PTGR2: variants seen among roughly 807,000 people sequenced by gnomAD.
PTGR2 encodes the protein prostaglandin reductase 2.
In PTGR2, 32 loss-of-function variants were observed where a neutral mutation model predicts 43.4. That is an observed-to-expected ratio of 0.74 (90% CI 0.56 to 0.99). PTGR2 has a LOEUF of 0.99. Ranked by LOEUF, PTGR2 falls within the 50% of genes least tolerant of loss-of-function variation. The pLI is 0.00. For synonymous variants in PTGR2, 106 were observed against 139.2 expected, an observed-to-expected ratio of 0.76 and a Z score of 1.68; for missense variants, 373 against 420.0, an observed-to-expected ratio of 0.89 and a Z score of 0.98.
At chr14:73,882,344 C>A in intron 8 of PTGR2, 55 bp from the exon 9 acceptor site, 1 of 1,073,288 alleles carries the variant, frequency 9.3e-7, no homozygotes. Context: ...TGGAAACTAT[C>A]ATATAGAAAC....
At position 73,879,726 on chromosome 14, in the gene PTGR2, T is replaced by C. The variant is rs536330594; in HGVS notation, c.730-329T>C. ...ATCAACATGAGGTATTAACACTACATAGTCCTTTGCTGCATCTAAAATTAT... is the reference window on the plus strand; with the variant it reads ...ATCAACATGAGGTATTAACACTACACAGTCCTTTGCTGCATCTAAAATTAT... On this transcript the variant is annotated intron_variant, in intron 6 of 9. Coordinates refer to ENST00000555661, the MANE Select transcript of PTGR2 (RefSeq NM_001146154.2). 1.5e-5 allele frequency: 5 copies of C among 340,316 alleles called. No homozygotes were observed. The Admixed American group carries it at 1.7e-4, about 12-fold the overall frequency. 21.1% of individuals were successfully genotyped at this position (340,316 alleles called of 1,614,324 possible).
chr14:73,874,238 G>A, intron 4 of PTGR2, 24 bp downstream of exon 4: 1 of 1,522,632 alleles, frequency 6.6e-7, no homozygotes, highest in Non-Finnish European at 8.9e-7. Flanking sequence ...GAACATATCT[G>A]ATTTTTTTTC....
At chr14:73,877,344 A>G in intron 5 of PTGR2, 176 bp downstream of exon 5, 1 of 506,148 alleles carries the variant, frequency 2.0e-6, no homozygotes, top group Non-Finnish European at 3.5e-6. Context: ...GGCTCACTGC[A>G]ACCTCCGCCT....
Position 73,851,848 on chromosome 14 carries a change from G to A in PTGR2, c.-143G>A, listed in dbSNP as rs1034431798. 2.0e-5 allele frequency: 3 copies of A among 152,348 alleles called. No homozygotes were observed. The highest frequency in any genetic ancestry group is 1.5e-5 in the Non-Finnish European group (1 of 68,158). The allele number at this position is 152,348 out of a possible 1,614,324, so 9.4% of individuals were successfully genotyped here. The stretch of plus-strand genomic sequence containing the variant: ...GCCTAGTCGCGCGCCTGCGTACTGC[G>A]GTCAGAGGGCCGAGGCCTGGGGGCG... On this transcript the variant is annotated 5_prime_UTR_variant, in exon 1 of 10. Coordinates refer to ENST00000555661, the MANE Select transcript of PTGR2 (RefSeq NM_001146154.2).
chr14:73,882,925 A>G (rs2055029307), intron 9 of PTGR2, among the ~76,000 whole-genome samples: 1 of 142,156 alleles, frequency 7.0e-6, no homozygotes, highest in African/African-American at 2.7e-5. Context: ...AGATCAAGCA[A>G]TTCTCCTGCC....
At chr14:73,881,772 CTTTTTTTTTTTTTTTTTTT>C (rs57377878) in intron 8 of PTGR2, among the ~76,000 whole-genome samples, 10 of 69,266 alleles carry the variant, frequency 1.4e-4, no homozygotes, top group African/African-American at 6.9e-4. Flanking sequence ...CTAGGCTATT[CTTTTTTTTTTTTTTTTTTT>C]TTTTTTTTTT....
intron 3 of PTGR2, among the ~76,000 whole-genome samples, chr14:73,864,458 TATC>T (rs1238659892): frequency 6.6e-6 from 1 of 152,244 alleles, no homozygotes; most frequent in Non-Finnish European, 1.5e-5. Flanking sequence ...CACTTGTTAT[TATC>T]TGTCTTTTTG....
At chr14:73,864,458 T>G (rs919817597) in intron 3 of PTGR2, among the ~76,000 whole-genome samples, 1 of 152,362 alleles carries the variant, frequency 6.6e-6, no homozygotes, top group East Asian at 1.9e-4. Flanking sequence ...CACTTGTTAT[T>G]ATCTGTCTTT....
In PTGR2 at chr14:73,853,670, GT is replaced by G. The variant is rs905020922; in HGVS notation, c.-48+1734del. 1.2e-4 allele frequency among the ~76,000 whole-genome samples: 18 copies of G among 152,096 alleles called. 1 individual carries two copies. The highest frequency in any genetic ancestry group is 1.1e-3 in the Admixed American group (17 of 15,262). On this transcript the variant is annotated intron_variant, in intron 1 of 9. Transcript: ENST00000555661. ...AGAGGATGATATTACCAACCTCACA[GT>G]TTTTTTGGGGTGAGGGTGGGGGAGG... is the stretch of plus-strand genomic sequence containing the variant.
chr14:73,863,502 A>G lies in PTGR2; in HGVS notation c.156+2845A>G, dbSNP rs2054539140. Reference sequence around the variant, plus strand: ...GCTAATTAAAATTTTTTAAAAAAACATTTTAAAATTGTTTATTTATGAATC... The same window carrying G: ...GCTAATTAAAATTTTTTAAAAAAACGTTTTAAAATTGTTTATTTATGAATC... On this transcript the variant is annotated intron_variant, in intron 3 of 9. Transcript: ENST00000555661. 2.0e-5 allele frequency among the ~76,000 whole-genome samples: 3 copies of G among 152,076 alleles called. No homozygotes were observed. In the South Asian group the frequency reaches 6.2e-4, roughly 32 times the overall value.
At position 73,877,131 on chromosome 14, in the gene PTGR2, G is replaced by T. The variant is rs1326002837; in HGVS notation, c.482G>T (p.Ser161Ile). ...GGATCTAATAAGACAATGGTTGTCA[G>T]TGGGGCCGCAGGTGCCTGTGGATCT... is the stretch of plus-strand genomic sequence containing the variant. ...TAGSNKTMVV[S>I]GAAGACGSVA... The change falls in exon 5 of 10, where the codon AGT becomes ATT. Residue 161 changes from serine (S) to isoleucine (I), a missense_variant. Ser to Ile is a moderately radical substitution (Grantham distance 142). Coordinates refer to ENST00000555661, the MANE Select transcript of PTGR2 (RefSeq NM_001146154.2). 5.6e-6 allele frequency: 9 copies of T among 1,613,984 alleles called. No homozygotes were observed. The highest frequency in any genetic ancestry group is 2.2e-5 in the East Asian group (1 of 44,904).
At chr14:73,859,719 T>C (rs909253970) in intron 2 of PTGR2, among the ~76,000 whole-genome samples, 1 of 151,862 alleles carries the variant, frequency 6.6e-6, no homozygotes, top group African/African-American at 2.4e-5. Flanking sequence ...TCTATTTGCT[T>C]CTTAAAATAA....
chr14:73,881,153 A>C, intron 7 of PTGR2, 52 bp from the exon 8 acceptor site: 20 of 1,091,478 alleles, frequency 1.8e-5, no homozygotes, highest in Non-Finnish European at 2.8e-5. Flanking sequence ...TGATCTTGGA[A>C]TACCACTCCC....
intron 3 of PTGR2, among the ~76,000 whole-genome samples, chr14:73,871,367 T>TTTTTTTTTTTTTTTTTTTTTTTTTTTTTA (rs71115926): frequency 8.4e-6 from 1 of 119,750 alleles, no homozygotes; most frequent in Non-Finnish European, 1.8e-5. Context: ...TTTTTTTTTT[T>TTTTTTTTTTTTTTTTTTTTTTTTTTTTTA]AATTTTTGTT....
chr14:73,873,398 C>A (rs139461892), intron 3 of PTGR2, among the ~76,000 whole-genome samples: 3 of 152,066 alleles, frequency 2.0e-5, no homozygotes, highest in African/African-American at 7.2e-5. Flanking sequence ...ATATCACATA[C>A]TTATTGTTTG....
intron 2 of PTGR2, among the ~76,000 whole-genome samples, chr14:73,860,258 G>T (rs1157518275): frequency 2.0e-5 from 3 of 151,650 alleles, no homozygotes; most frequent in Non-Finnish European, 4.4e-5. Flanking sequence ...GTGAGGTCAG[G>T]AATTTGAGAC....
At chr14:73,856,447 C>T (rs1444431868) in intron 1 of PTGR2, among the ~76,000 whole-genome samples, 1 of 152,012 alleles carries the variant, frequency 6.6e-6, no homozygotes, top group Admixed American at 6.6e-5. Context: ...GACAGGATTT[C>T]ATCATGTTAG....
At chr14:73,883,955 T>A in intron 9 of PTGR2, 146 bp from the exon 10 acceptor site, 1 of 620,738 alleles carries the variant, frequency 1.6e-6, no homozygotes, top group South Asian at 1.9e-5. Flanking sequence ...TTACTTGAGA[T>A]TTCTTTTCAT....
At chr14:73,866,181 T>A (rs2054593114) in intron 3 of PTGR2, among the ~76,000 whole-genome samples, 1 of 152,136 alleles carries the variant, frequency 6.6e-6, no homozygotes. Flanking sequence ...TTTTGTATTT[T>A]TAGCAGAGAC....
Sources: allele counts gnomAD v4.1 joint callset (sites outside exome capture counted in the v4.1 genomes callset), GRCh38; gene constraint gnomAD v4.1.1; transcripts MANE v1.5; gene names NCBI Gene and HGNC (gene_info 2026-07-23, HGNC 2026-07-21).